The following RAD51B variants were observed in gnomAD, a reference collection of about 807,000 sequenced individuals.
RAD51B encodes the protein DNA repair protein RAD51 homolog 2.
In RAD51B, 38 loss-of-function variants were observed where a neutral mutation model predicts 42.2. That is an observed-to-expected ratio of 0.90 (90% CI 0.70 to 1.18). RAD51B has a LOEUF of 1.18. Ranked by LOEUF, RAD51B falls within the 50% of genes most tolerant of loss-of-function variation. The pLI, the probability that RAD51B is intolerant of heterozygous loss-of-function variation, is 0.00. For missense variants in RAD51B, 373 were observed against 400.7 expected, an observed-to-expected ratio of 0.93 and a Z score of 0.59; for synonymous variants, 154 against 145.2, an observed-to-expected ratio of 1.06 and a Z score of -0.43.
At chr14:68,583,573 C>G (rs1451254664) in intron 10 of RAD51B, among the ~76,000 whole-genome samples, 1 of 152,228 alleles carries the variant, frequency 6.6e-6, no homozygotes. Context: ...GAGTTCCACA[C>G]TGGAATGTGG....
At chr14:68,041,718 A>C (rs2076220822) in intron 7 of RAD51B, among the ~76,000 whole-genome samples, 1 of 152,014 alleles carries the variant, frequency 6.6e-6, no homozygotes, top group African/African-American at 2.4e-5. Context: ...TTTTTCCTGG[A>C]TAGTTTTAAT....
intron 4 of RAD51B, among the ~76,000 whole-genome samples, chr14:67,864,151 A>T (rs1287665500): frequency 6.6e-6 from 1 of 152,178 alleles, no homozygotes; most frequent in Non-Finnish European, 1.5e-5. Context: ...ACCATGATCT[A>T]ATCACCTCCC....
At chr14:68,442,360 A>G (rs561053195) in intron 9 of RAD51B, among the ~76,000 whole-genome samples, 19 of 150,926 alleles carry the variant, frequency 1.3e-4, no homozygotes, top group East Asian at 2.0e-4. Context: ...GTTCTCTAGC[A>G]GCATCTGAGA....
chr14:67,983,405 T>C (rs1162151855), intron 7 of RAD51B, among the ~76,000 whole-genome samples: 3 of 152,236 alleles, frequency 2.0e-5, no homozygotes, highest in African/African-American at 7.2e-5. Flanking sequence ...TGTAGTCCTA[T>C]GTAGGCCTTT....
intron 7 of RAD51B, among the ~76,000 whole-genome samples, chr14:67,923,540 C>A (rs1294430737): frequency 6.6e-6 from 1 of 152,020 alleles, no homozygotes; most frequent in Admixed American, 6.6e-5. Flanking sequence ...CTCAGGTGAT[C>A]CGCCCACCTC....
At chr14:68,088,148 T>A (rs1345410275) in intron 7 of RAD51B, among the ~76,000 whole-genome samples, 1 of 150,442 alleles carries the variant, frequency 6.6e-6, no homozygotes, top group Non-Finnish European at 1.5e-5. Context: ...ATCTCATTTC[T>A]CCATGAATCT....
chr14:68,468,853 T>G (rs560346621), intron 10 of RAD51B, among the ~76,000 whole-genome samples: 44 of 152,358 alleles, frequency 2.9e-4, no homozygotes, highest in African/African-American at 1.1e-3. Context: ...TATAGCACCC[T>G]GAGGCCACAT....
chr14:68,054,095 A>T (rs544098619), intron 7 of RAD51B, among the ~76,000 whole-genome samples: 2 of 152,362 alleles, frequency 1.3e-5, no homozygotes, highest in African/African-American at 4.8e-5. Context: ...TCTCTTATAC[A>T]AACATGATGT....
rs60059053 is a variant in RAD51B, at chr14:67,874,709, A to G, written c.452+9570A>G. On this transcript the variant is annotated intron_variant, in intron 5 of 10. Transcript: ENST00000471583. ...CTACTGGACTTCTGCTTAAGATCTC[A>G]TATAGTCTTAGGCACCATATGCTTG... Among the ~76,000 whole-genome samples the G allele has an allele frequency of 8.2e-3, 1,243 of 152,144 alleles. 13 individuals are homozygous for G. The highest frequency in any genetic ancestry group is 0.029 in the African/African-American group (1,207 of 41,494).
chr14:68,072,285 T>TAG (rs1491533533), intron 7 of RAD51B, among the ~76,000 whole-genome samples: 2 of 148,218 alleles, frequency 1.3e-5, no homozygotes, highest in African/African-American at 5.0e-5. Context: ...TATTAAGCAT[T>TAG]ATATATATAT....
At chr14:68,639,822 C>G (rs1194979280) in intron 10 of RAD51B, among the ~76,000 whole-genome samples, 1 of 151,956 alleles carries the variant, frequency 6.6e-6, no homozygotes, top group African/African-American at 2.4e-5. Flanking sequence ...CAGAGTCTCG[C>G]TTTGTTGTCC....
At chr14:68,360,608 T>C (rs2083004483) in intron 8 of RAD51B, among the ~76,000 whole-genome samples, 1 of 152,246 alleles carries the variant, frequency 6.6e-6, no homozygotes, top group Non-Finnish European at 1.5e-5. Flanking sequence ...GTCTCCTTTT[T>C]AGAGATGAGG....
intron 8 of RAD51B, among the ~76,000 whole-genome samples, chr14:68,390,888 TA>T (rs947451479): frequency 6.6e-6 from 1 of 152,178 alleles, no homozygotes; most frequent in Admixed American, 6.5e-5. Context: ...TAGACCTCAT[TA>T]CACTAATGCA....
At chr14:68,600,837 T>C (rs1891188379), downstream of RAD51B, among the ~76,000 whole-genome samples, 1 of 152,220 alleles carries the variant, frequency 6.6e-6, no homozygotes, top group Admixed American at 6.5e-5. Context: ...ATCTTCTTAG[T>C]GGGCTGTCCT....
rs545952527 is a variant in RAD51B, at chr14:68,029,070, C to A, written c.756+141866C>A. Among the ~76,000 whole-genome samples, 7 of 152,342 alleles carry A rather than the reference C, an allele frequency of 4.6e-5. No homozygotes were observed. In the South Asian group the frequency reaches 1.2e-3, roughly 27 times the overall value. On this transcript the variant is annotated intron_variant, in intron 7 of 10. Transcript: ENST00000471583. ...CCCACAGTCTCTTCATTAACCCTCT[C>A]CCGTGGAGCTGTTCAGGGCTGGGAA...
intron 8 of RAD51B, among the ~76,000 whole-genome samples, chr14:68,295,872 C>G (rs2081604632): frequency 6.6e-6 from 1 of 152,104 alleles, no homozygotes; most frequent in Non-Finnish European, 1.5e-5. Context: ...ACAGGGTAGA[C>G]CTTGCCCCCC....
At chr14:67,970,071 A>G (rs1393178248) in intron 7 of RAD51B, among the ~76,000 whole-genome samples, 1 of 152,146 alleles carries the variant, frequency 6.6e-6, no homozygotes, top group South Asian at 2.1e-4. Flanking sequence ...TCACTGTCTC[A>G]TTTTGTGATT....
At chr14:68,590,718 C>A (rs1026789588) in intron 10 of RAD51B, among the ~76,000 whole-genome samples, 8 of 151,940 alleles carry the variant, frequency 5.3e-5, no homozygotes, top group African/African-American at 1.5e-4. Context: ...ACCTCAAATT[C>A]TCTGTGTCTC....
intron 10 of RAD51B, among the ~76,000 whole-genome samples, chr14:68,592,451 C>T (rs770170803): frequency 1.3e-5 from 2 of 152,132 alleles, no homozygotes; most frequent in Non-Finnish European, 2.9e-5. Flanking sequence ...GTACTTTGCA[C>T]ATATTATCTC....
Sources: allele counts gnomAD v4.1 joint callset (sites outside exome capture counted in the v4.1 genomes callset), GRCh38; gene constraint gnomAD v4.1.1; transcripts MANE v1.5; gene names NCBI Gene and HGNC (gene_info 2026-07-23, HGNC 2026-07-21).